The following BARD1 variants were observed in gnomAD, a reference collection of about 807,000 sequenced individuals.
BARD1 encodes the protein BRCA1-associated RING domain protein 1.
BARD1 carries 73 observed loss-of-function variants against 77.0 expected under a neutral mutation model. That is an observed-to-expected ratio of 0.95 (90% CI 0.79 to 1.15). The LOEUF is 1.15. Among genes scored for constraint, BARD1 ranks in the 50% most tolerant of loss-of-function variants. The probability of loss-of-function intolerance (pLI) is 0.00; values close to 1 mark genes in which losing one functional copy is unlikely to be tolerated. For missense variants in BARD1, 993 were observed against 938.8 expected (o/e 1.06, Z -0.75); for synonymous variants, 384 against 338.0 (o/e 1.14, Z -1.49).
rs894307474 is a variant in BARD1 at position 214,734,544 on chromosome 2, C to T, written c.1904-4036G>A. 5.9e-5 allele frequency among the ~76,000 whole-genome samples: 9 copies of T among 151,960 alleles called. 1 individual carries two copies. Among genetic ancestry groups the T allele is most frequent in the Non-Finnish European group, 1.3e-4 (9 of 67,928 alleles). On this transcript the variant is annotated intron_variant, in intron 9 of 10. Coordinates refer to ENST00000260947, the MANE Select transcript of BARD1 (RefSeq NM_000465.4). ...ATAAAAACTATGAATGCTATGTTAC[C>T]TAATATTCATCCAATGAGCAAAATA...
At chr2:214,736,507 T>G (rs1011265534) in intron 9 of BARD1, among the ~76,000 whole-genome samples, 1 of 152,148 alleles carries the variant, frequency 6.6e-6, no homozygotes, top group South Asian at 2.1e-4. Flanking sequence ...TGATATCTAC[T>G]GTATCGAATG....
chr2:214,795,558 G>T (rs1171333925), intron 2 of BARD1, among the ~76,000 whole-genome samples: 4 of 151,942 alleles, frequency 2.6e-5, no homozygotes, highest in Non-Finnish European at 5.9e-5. Flanking sequence ...ATGAGGAAGG[G>T]GTGATGATGC....
intron 1 of BARD1, among the ~76,000 whole-genome samples, chr2:214,808,426 A>G (rs149994564): frequency 6.6e-6 from 1 of 152,360 alleles, no homozygotes; most frequent in African/African-American, 2.4e-5. Flanking sequence ...GAAAGAAAAG[A>G]AAAAGTTGTG....
intron 3 of BARD1, among the ~76,000 whole-genome samples, chr2:214,784,969 A>T (rs1274659050): frequency 2.0e-5 from 3 of 151,970 alleles, no homozygotes; most frequent in Non-Finnish European, 2.9e-5. Context: ...GGCATGTGTA[A>T]ACCTATGTAA....
At chr2:214,735,748 A>C (rs761884648) in intron 9 of BARD1, among the ~76,000 whole-genome samples, 1 of 152,156 alleles carries the variant, frequency 6.6e-6, no homozygotes, top group Non-Finnish European at 1.5e-5. Flanking sequence ...AAATGCTTAA[A>C]AGCTGCTTAA....
At chr2:214,797,863 G>A (rs1202233917) in intron 1 of BARD1, among the ~76,000 whole-genome samples, 3 of 152,228 alleles carry the variant, frequency 2.0e-5, no homozygotes, top group South Asian at 2.1e-4. Context: ...AGTGAGCAAA[G>A]AGACACAGAA....
At chr2:214,789,994 T>C (rs1695443146) in intron 3 of BARD1, among the ~76,000 whole-genome samples, 1 of 152,150 alleles carries the variant, frequency 6.6e-6, no homozygotes, top group African/African-American at 2.4e-5. Flanking sequence ...ACCGCATTCT[T>C]AAAGGCCTCA....
chr2:214,802,865 T>C (rs1174417018), intron 1 of BARD1, among the ~76,000 whole-genome samples: 1 of 152,210 alleles, frequency 6.6e-6, no homozygotes, highest in Non-Finnish European at 1.5e-5. Context: ...TCTGTAACTT[T>C]ACATGTAGTT....
At chr2:214,764,607 A>C (rs1252831764) in intron 6 of BARD1, among the ~76,000 whole-genome samples, 1 of 152,218 alleles carries the variant, frequency 6.6e-6, no homozygotes, top group East Asian at 1.9e-4. Context: ...AAGTAGCACC[A>C]GACCATCCAG....
intron 7 of BARD1, among the ~76,000 whole-genome samples, chr2:214,751,117 G>GTATATATATATA (rs1216095030): frequency 1.2e-4 from 2 of 16,290 alleles, no homozygotes; most frequent in South Asian, 3.2e-3. Context: ...GTGTGTGTGT[G>GTATATATATATA]TATATATATA....
At chr2:214,780,107 C>G (rs1694911117) in intron 4 of BARD1, among the ~76,000 whole-genome samples, 1 of 152,140 alleles carries the variant, frequency 6.6e-6, no homozygotes, top group East Asian at 1.9e-4. Context: ...AGTCAAATGT[C>G]CCGGTCATTG....
At chr2:214,760,170 T>A (rs1460313095) in intron 6 of BARD1, among the ~76,000 whole-genome samples, 1 of 152,192 alleles carries the variant, frequency 6.6e-6, no homozygotes, top group East Asian at 1.9e-4. Context: ...TAAAGTCACA[T>A]CTTACTTAGC....
intron 7 of BARD1, among the ~76,000 whole-genome samples, chr2:214,749,914 A>G (rs550330253): frequency 6.6e-6 from 1 of 152,196 alleles, no homozygotes; most frequent in East Asian, 1.9e-4. Context: ...TACCAAAACT[A>G]TAGTTTGGAA....
chr2:214,779,322 T>A (rs1237380227), intron 4 of BARD1, among the ~76,000 whole-genome samples: 1 of 152,190 alleles, frequency 6.6e-6, no homozygotes, highest in Non-Finnish European at 1.5e-5. Flanking sequence ...CTTTAAATCA[T>A]CTCTAAATTA....
intron 4 of BARD1, among the ~76,000 whole-genome samples, chr2:214,775,439 A>G (rs1694695065): frequency 6.6e-6 from 1 of 152,230 alleles, no homozygotes; most frequent in Non-Finnish European, 1.5e-5. Flanking sequence ...TTGCCATGTT[A>G]CATGGCCAGG....
At chr2:214,807,448 A>C (rs1012228937) in intron 1 of BARD1, among the ~76,000 whole-genome samples, 2 of 152,200 alleles carry the variant, frequency 1.3e-5, no homozygotes, top group Admixed American at 1.3e-4. Context: ...TCTCTCCCAA[A>C]TCATGTAGCA....
intron 4 of BARD1, among the ~76,000 whole-genome samples, chr2:214,778,399 T>C (rs1314485575): frequency 6.6e-6 from 1 of 152,044 alleles, no homozygotes; most frequent in Non-Finnish European, 1.5e-5. Flanking sequence ...CATAACATAA[T>C]CTGACAACTG....
At chr2:214,784,883 C>T (rs1248322228) in intron 3 of BARD1, among the ~76,000 whole-genome samples, 4 of 151,876 alleles carry the variant, frequency 2.6e-5, no homozygotes, top group East Asian at 1.9e-4. Flanking sequence ...TCCGATGGAG[C>T]GGGGTCAGGG....
At chr2:214,791,366 A>G (rs1695503714) in intron 3 of BARD1, among the ~76,000 whole-genome samples, 1 of 152,224 alleles carries the variant, frequency 6.6e-6, no homozygotes, top group Non-Finnish European at 1.5e-5. Context: ...TTCTAAGAAC[A>G]AAAGATTTAA....
Sources: allele counts gnomAD v4.1 joint callset (sites outside exome capture counted in the v4.1 genomes callset), GRCh38; gene constraint gnomAD v4.1.1; transcripts MANE v1.5; gene names NCBI Gene and HGNC (gene_info 2026-07-23, HGNC 2026-07-21).